Variants in CLASP1 observed in about 807,000 individuals in gnomAD.
CLASP1 encodes cytoplasmic linker associated protein 1, also known as CLIP-associating protein 1.
Under a neutral mutation model 192.3 loss-of-function variants are expected in CLASP1, and 38 were observed. The observed-to-expected ratio is 0.20, with a 90% CI of 0.15 to 0.26. The LOEUF (loss-of-function observed/expected upper bound fraction) is 0.26. CLASP1 is among the 10% of genes least tolerant of loss of function. The pLI is 1.00. For synonymous variants in CLASP1, 691 were observed against 712.8 expected (o/e 0.97, Z 0.49); for missense variants, 1,433 against 1,932.5 (o/e 0.74, Z 4.85).
At chr2:121,535,667 G>C (rs62151098) in intron 2 of CLASP1, among the ~76,000 whole-genome samples, 1 of 150,234 alleles carries the variant, frequency 6.7e-6, no homozygotes, top group Non-Finnish European at 1.5e-5. Flanking sequence ...TTTTTTTTTG[G>C]AGATAGGATC....
chr2:121,593,260 C>G (rs1390452134), intron 2 of CLASP1, among the ~76,000 whole-genome samples: 1 of 152,064 alleles, frequency 6.6e-6, no homozygotes, highest in East Asian at 1.9e-4. Flanking sequence ...AGTAAGGTGA[C>G]CTAATTCTTC....
At chr2:121,481,711 C>G (rs10177273) in intron 8 of CLASP1, among the ~76,000 whole-genome samples, 24,351 of 152,112 alleles carry the variant, frequency 0.16, 3,163 homozygotes, top group African/African-American at 0.35. Flanking sequence ...CCCAGAGCAC[C>G]AGTCTTGCCC....
chr2:121,606,307 A>G (rs981773008), intron 1 of CLASP1, 127 bp from the exon 2 acceptor site: 1 of 285,970 alleles, frequency 3.5e-6, no homozygotes, highest in Non-Finnish European at 6.4e-6. Context: ...GCAGAGCGAG[A>G]AGCATGAACG....
chr2:121,501,195 C>G (rs1411634531), intron 8 of CLASP1, among the ~76,000 whole-genome samples: 1 of 152,186 alleles, frequency 6.6e-6, no homozygotes, highest in African/African-American at 2.4e-5. Flanking sequence ...CAATTTCCTG[C>G]CACTGCTTTT....
At chr2:121,580,856 A>G (rs1274634107) in intron 2 of CLASP1, among the ~76,000 whole-genome samples, 1 of 152,226 alleles carries the variant, frequency 6.6e-6, no homozygotes, top group Non-Finnish European at 1.5e-5. Flanking sequence ...TGTGATGCAG[A>G]GTAACTGCCA....
intron 2 of CLASP1, among the ~76,000 whole-genome samples, chr2:121,604,232 G>A (rs2064143938): frequency 6.6e-6 from 1 of 152,202 alleles, no homozygotes; most frequent in Non-Finnish European, 1.5e-5. Flanking sequence ...GAACAAAATT[G>A]TAGTGACTAG....
At chr2:121,508,392 A>AG (rs1289346182) in intron 7 of CLASP1, among the ~76,000 whole-genome samples, 1 of 152,250 alleles carries the variant, frequency 6.6e-6, no homozygotes, top group Non-Finnish European at 1.5e-5. Context: ...AAGTTATAGT[A>AG]GTACACTAGA....
chr2:121,431,747 T>G (rs1156969978), intron 19 of CLASP1, among the ~76,000 whole-genome samples: 5 of 131,120 alleles, frequency 3.8e-5, no homozygotes, highest in African/African-American at 6.0e-5. Flanking sequence ...ATTCCCTTGG[T>G]TTTTTTTTTT....
intron 11 of CLASP1, 120 bp downstream of exon 11, chr2:121,460,981 T>C: frequency 1.5e-6 from 1 of 662,376 alleles, no homozygotes; most frequent in East Asian, 3.0e-5. Context: ...AATATGATAA[T>C]TTGAACTTAA....
intron 19 of CLASP1, among the ~76,000 whole-genome samples, chr2:121,431,054 GA>G (rs2149651410): frequency 6.6e-6 from 1 of 151,706 alleles, no homozygotes; most frequent in Admixed American, 6.6e-5. Context: ...ATGAGGATAG[GA>G]AAAACACAAC....
At chr2:121,525,824 A>C in intron 6 of CLASP1, 21 bp downstream of exon 6, 1 of 1,581,622 alleles carries the variant, frequency 6.3e-7, no homozygotes. Context: ...ACTTCTCCCG[A>C]GGGTTTTCCT....
chr2:121,345,586 G>C (rs553630145), intron 39 of CLASP1, among the ~76,000 whole-genome samples: 2 of 152,188 alleles, frequency 1.3e-5, no homozygotes, highest in African/African-American at 4.8e-5. Flanking sequence ...GAGCTGGGGG[G>C]ACTTTTGCTC....
chr2:121,434,392 G>A (rs751728148), intron 19 of CLASP1, among the ~76,000 whole-genome samples: 5 of 151,938 alleles, frequency 3.3e-5, no homozygotes, highest in Admixed American at 1.3e-4. Flanking sequence ...GTAGCTGGGA[G>A]CAGCTGGGAC....
intron 33 of CLASP1, among the ~76,000 whole-genome samples, chr2:121,379,215 CA>C (rs189429636): frequency 0.023 from 1,807 of 78,110 alleles, 16 homozygotes; most frequent in African/African-American, 0.058. Flanking sequence ...GGAGAGTTCA[CA>C]AAAAAAAAAA....
intron 19 of CLASP1, among the ~76,000 whole-genome samples, chr2:121,447,016 T>G (rs1243136132): frequency 6.6e-6 from 1 of 152,042 alleles, no homozygotes. Flanking sequence ...AAACTTAGCT[T>G]TGACAATATG....
intron 9 of CLASP1, among the ~76,000 whole-genome samples, chr2:121,465,575 T>C (rs1377369827): frequency 2.6e-5 from 4 of 151,710 alleles, no homozygotes; most frequent in Non-Finnish European, 5.9e-5. Flanking sequence ...GAATCAATAT[T>C]GTGAAAATGG....
chr2:121,375,986 G>T (rs2070019487), intron 34 of CLASP1, among the ~76,000 whole-genome samples: 13 of 152,068 alleles, frequency 8.5e-5, no homozygotes, highest in Admixed American at 8.5e-4. Context: ...ATTACCTTGG[G>T]CCTCTTAATA....
At chr2:121,508,526 A>G (rs1490018097) in intron 7 of CLASP1, among the ~76,000 whole-genome samples, 1 of 152,222 alleles carries the variant, frequency 6.6e-6, no homozygotes, top group African/African-American at 2.4e-5. Context: ...CATTAAATAT[A>G]AATAGATTAA....
At chr2:121,647,658 G>A (rs1296612743) in intron 1 of CLASP1, among the ~76,000 whole-genome samples, 1 of 152,172 alleles carries the variant, frequency 6.6e-6, no homozygotes, top group Non-Finnish European at 1.5e-5. Context: ...TGGAATCTGT[G>A]GGTTAATTCA....
Sources: allele counts gnomAD v4.1 joint callset (sites outside exome capture counted in the v4.1 genomes callset), GRCh38; gene constraint gnomAD v4.1.1; transcripts MANE v1.5; gene names NCBI Gene and HGNC (gene_info 2026-07-23, HGNC 2026-07-21).